MARCHF1: variants seen among roughly 807,000 people sequenced by gnomAD.
MARCHF1 encodes the protein E3 ubiquitin-protein ligase MARCHF1.
A neutral mutation model predicts 54.2 loss-of-function variants in MARCHF1; 40 were observed. That is an observed-to-expected ratio of 0.74 (90% CI 0.57 to 0.96). MARCHF1 has a LOEUF of 0.96. Ranked by LOEUF, MARCHF1 falls within the 40% of genes least tolerant of loss-of-function variation. The pLI is 0.00. For missense variants in MARCHF1, 586 were observed against 656.5 expected, an observed-to-expected ratio of 0.89 and a Z score of 1.17; for synonymous variants, 236 against 236.3, an observed-to-expected ratio of 1.00 and a Z score of 0.01.
At chr4:164,248,527 A>G (rs988350406) in intron 1 of MARCHF1, among the ~76,000 whole-genome samples, 8 of 152,076 alleles carry the variant, frequency 5.3e-5, no homozygotes, top group Non-Finnish European at 5.9e-5. Context: ...CCATGTTATC[A>G]AAGGTTTTGA....
chr4:164,282,985 T>C (rs1734062313), intron 1 of MARCHF1, among the ~76,000 whole-genome samples: 1 of 151,206 alleles, frequency 6.6e-6, no homozygotes, highest in South Asian at 2.1e-4. Context: ...GACATAGAAA[T>C]GGGGTAAACT....
intron 4 of MARCHF1, among the ~76,000 whole-genome samples, chr4:163,795,540 A>G (rs1747892020): frequency 1.3e-5 from 2 of 152,042 alleles, no homozygotes; most frequent in African/African-American, 2.4e-5. Flanking sequence ...TCTTAATGAT[A>G]TTTTCTAACT....
chr4:163,932,872 T>C, intron 3 of MARCHF1: 1 of 630,976 alleles, frequency 1.6e-6, no homozygotes, highest in East Asian at 3.9e-5. Flanking sequence ...GTCTTCTATC[T>C]GAAAATGAAG....
chr4:163,910,835 T>A (rs970022710), intron 3 of MARCHF1, among the ~76,000 whole-genome samples: 1 of 152,146 alleles, frequency 6.6e-6, no homozygotes, highest in Non-Finnish European at 1.5e-5. Flanking sequence ...GAAAAGTCTC[T>A]CCTACAAAAG....
At chr4:163,593,532 C>CA (rs1183967648) in intron 7 of MARCHF1, among the ~76,000 whole-genome samples, 2 of 152,148 alleles carry the variant, frequency 1.3e-5, no homozygotes, top group Non-Finnish European at 2.9e-5. Flanking sequence ...TTCATTTCTG[C>CA]ATGTGGCAGA....
chr4:164,089,518 A>T (rs575590567), intron 2 of MARCHF1, among the ~76,000 whole-genome samples: 104 of 152,294 alleles, frequency 6.8e-4, no homozygotes, highest in Non-Finnish European at 1.3e-3. Flanking sequence ...GATGGTATTT[A>T]AAATGGCTGC....
At chr4:164,068,431 C>T (rs748204024) in intron 2 of MARCHF1, among the ~76,000 whole-genome samples, 7 of 152,202 alleles carry the variant, frequency 4.6e-5, no homozygotes, top group Middle Eastern at 3.4e-3. Flanking sequence ...CTGTGTGCGG[C>T]GCTTGTGGGC....
Position 163,719,580 on chromosome 4 carries a change from C to G in MARCHF1, c.112-18717G>C, listed in dbSNP as rs1579224129. ...ATGGCTGGGTCAAATGGTATTTCTACTTCTAGATCCTTGAGGAATCGCCAC... is the reference window on the plus strand; with the variant it reads ...ATGGCTGGGTCAAATGGTATTTCTAGTTCTAGATCCTTGAGGAATCGCCAC... On this transcript the variant is annotated intron_variant, in intron 4 of 9. Coordinates refer to ENST00000514618, the MANE Select transcript of MARCHF1 (RefSeq NM_001394959.1). Among the ~76,000 whole-genome samples the G allele has an allele frequency of 5.9e-5, 9 of 152,142 alleles. No individual in the cohort carries two copies. In the South Asian group the frequency reaches 1.7e-3, roughly 28 times the overall value.
chr4:164,289,330 C>A (rs1419365883), intron 1 of MARCHF1, among the ~76,000 whole-genome samples: 1 of 151,880 alleles, frequency 6.6e-6, no homozygotes, highest in East Asian at 1.9e-4. Context: ...GCAATAACTT[C>A]TAGTGTAGTT....
intron 1 of MARCHF1, among the ~76,000 whole-genome samples, chr4:164,241,728 C>A (rs963561572): frequency 2.1e-4 from 32 of 152,256 alleles, no homozygotes; most frequent in Middle Eastern, 3.4e-3. Context: ...GGTTCATCTC[C>A]CTAGGGAGTG....
intron 5 of MARCHF1, among the ~76,000 whole-genome samples, chr4:163,639,085 G>C (rs1182026780): frequency 6.6e-6 from 1 of 152,104 alleles, no homozygotes; most frequent in Non-Finnish European, 1.5e-5. Flanking sequence ...CAGTTTTACA[G>C]GAGGAAAAGA....
chr4:163,844,472 G>A (rs142675972), intron 4 of MARCHF1, among the ~76,000 whole-genome samples: 1,999 of 152,050 alleles, frequency 0.013, 24 homozygotes, highest in Non-Finnish European at 0.019. Context: ...ACTGCTTTTT[G>A]GGACTTAGTT....
At chr4:164,271,561 C>A (rs115260312) in intron 1 of MARCHF1, among the ~76,000 whole-genome samples, 1,798 of 152,170 alleles carry the variant, frequency 0.012, 35 homozygotes, top group African/African-American at 0.041. Context: ...CTTGTGTGGA[C>A]TGTAAGATGA....
chr4:163,959,402 C>T (rs34451370), intron 3 of MARCHF1, among the ~76,000 whole-genome samples: 25,051 of 151,534 alleles, frequency 0.17, 2,583 homozygotes, highest in South Asian at 0.33. Flanking sequence ...TAGTGATACC[C>T]ATCTTCAAAC....
In MARCHF1 at chr4:163,751,827, T is replaced by TGTGTGTGA. The variant is rs1554010515; in HGVS notation, c.112-50965_112-50964insTCACACAC. On this transcript the variant is annotated intron_variant, in intron 4 of 9. Transcript: ENST00000514618. ...GCACGTGTGTGTGTGTGTGTGTGTG[T>TGTGTGTGA]GATGAGGAAATTCCCCAGCTGTTTG... Among the ~76,000 whole-genome samples, 622 of 151,432 alleles carry TGTGTGTGA rather than the reference T, an allele frequency of 4.1e-3. 6 individuals are homozygous for TGTGTGTGA. Among genetic ancestry groups the TGTGTGTGA allele is most frequent in the Middle Eastern group, 6.8e-3 (2 of 294 alleles).
intron 1 of MARCHF1, among the ~76,000 whole-genome samples, chr4:164,307,564 A>G (rs1162846858): frequency 6.6e-6 from 1 of 152,220 alleles, no homozygotes; most frequent in East Asian, 1.9e-4. Flanking sequence ...GGGCAAAAGG[A>G]AGAGAAATCC....
At chr4:164,298,366 T>C (rs1287454909) in intron 1 of MARCHF1, among the ~76,000 whole-genome samples, 2 of 151,716 alleles carry the variant, frequency 1.3e-5, no homozygotes, top group Non-Finnish European at 2.9e-5. Context: ...TCCTGGGATG[T>C]AGGTTACAAC....
intron 1 of MARCHF1, among the ~76,000 whole-genome samples, chr4:164,219,211 CAT>C (rs1732021834): frequency 9.1e-6 from 1 of 110,206 alleles, no homozygotes; most frequent in African/African-American, 4.1e-5. Flanking sequence ...ATGTGGAAGA[CAT>C]ATTAAAATTA....
chr4:164,280,136 T>C (rs1733990451), intron 1 of MARCHF1, among the ~76,000 whole-genome samples: 1 of 151,986 alleles, frequency 6.6e-6, no homozygotes, highest in Non-Finnish European at 1.5e-5. Context: ...TTAAGTGAGA[T>C]ATTTTATACA....
Sources: gnomAD v4.1 joint callset for allele counts (sites outside exome capture counted in the v4.1 genomes callset) on GRCh38, gnomAD v4.1.1 for gene constraint, MANE v1.5 for transcripts, NCBI Gene and HGNC (gene_info 2026-07-23, HGNC 2026-07-21) for gene names.